KDM4C: variants seen among roughly 807,000 people sequenced by gnomAD.
The protein encoded by KDM4C is lysine-specific demethylase 4C.
Under a neutral mutation model 129.3 loss-of-function variants are expected in KDM4C, and 81 were observed. That is an observed-to-expected ratio of 0.63 (90% CI 0.52 to 0.75). The LOEUF is 0.75. KDM4C is among the 30% of genes least tolerant of loss of function. The probability of loss-of-function intolerance (pLI) is 0.00; values close to 1 mark genes in which losing one functional copy is unlikely to be tolerated. For missense variants in KDM4C, 1,457 were observed against 1,304.0 expected, an observed-to-expected ratio of 1.12 and a Z score of -1.81; for synonymous variants, 573 against 456.1, an observed-to-expected ratio of 1.26 and a Z score of -3.26.
At chr9:6,782,390 C>G (rs1036179051) in intron 1 of KDM4C, among the ~76,000 whole-genome samples, 1 of 152,178 alleles carries the variant, frequency 6.6e-6, no homozygotes, top group African/African-American at 2.4e-5. Flanking sequence ...TTCCCATCTT[C>G]TGCTCCTACT....
At chr9:6,936,843 T>C (rs1407269963) in intron 8 of KDM4C, among the ~76,000 whole-genome samples, 1 of 152,222 alleles carries the variant, frequency 6.6e-6, no homozygotes, top group Non-Finnish European at 1.5e-5. Flanking sequence ...TTTCCTTAGC[T>C]AAGGTAATAA....
At chr9:6,791,273 G>A (rs752235043) in intron 1 of KDM4C, among the ~76,000 whole-genome samples, 6 of 152,094 alleles carry the variant, frequency 3.9e-5, no homozygotes, top group Admixed American at 2.0e-4. Context: ...CACCACGCCC[G>A]GCTAATTTTT....
chr9:7,135,784 A>G (rs116049610), intron 19 of KDM4C, among the ~76,000 whole-genome samples: 1,751 of 152,288 alleles, frequency 0.011, 41 homozygotes, highest in African/African-American at 0.04. Context: ...GCAATTTTGG[A>G]TCTTCGTCGG....
chr9:7,058,478 A>G (rs1831180782), intron 17 of KDM4C, among the ~76,000 whole-genome samples: 1 of 151,940 alleles, frequency 6.6e-6, no homozygotes, highest in Admixed American at 6.6e-5. Context: ...ATGTGAACCA[A>G]CTCTCAAAAT....
chr9:7,070,575 A>G (rs1413385315), intron 17 of KDM4C, among the ~76,000 whole-genome samples: 1 of 152,170 alleles, frequency 6.6e-6, no homozygotes, highest in Non-Finnish European at 1.5e-5. Flanking sequence ...AAATCAATCA[A>G]TGTAATTAGC....
Position 6,984,311 on chromosome 9 carries a change from A to C in KDM4C, c.1261A>C (p.Lys421Gln). Reference sequence around the variant, plus strand: ...CAGTGAAAAGTCAGAAGCAGCAGTGAAGCTGAGGAACACAGAAGCATCTTC... The same window carrying C: ...CAGTGAAAAGTCAGAAGCAGCAGTGCAGCTGAGGAACACAGAAGCATCTTC... ...KVSEKSEAAV[K>Q]LRNTEASSEE... The change falls in exon 10 of 22, where the codon AAG (lysine) becomes CAG (glutamine). Residue 421 changes from lysine (K) to glutamine (Q), a missense_variant. By Grantham distance (53) the Lys-to-Gln change is moderately conservative (BLOSUM62 1). Coordinates refer to ENST00000381309, the MANE Select transcript of KDM4C (RefSeq NM_015061.6). 2.5e-6 allele frequency: 4 copies of C among 1,614,114 alleles called. No homozygotes were observed. The highest frequency in any genetic ancestry group is 3.4e-6 in the Non-Finnish European group (4 of 1,179,948).
At position 6,819,442 on chromosome 9, in the gene KDM4C, C is replaced by T. The variant is rs569479338; in HGVS notation, c.435+4697C>T. Among the ~76,000 whole-genome samples, 6 of 152,306 alleles carry T rather than the reference C, an allele frequency of 3.9e-5. No individual in the cohort carries two copies. In the South Asian group the frequency reaches 1.2e-3, roughly 32 times the overall value. ...AGTTTTAAAACATCCTCATCGTTTA[C>T]AGGTTTTAGAGCTGGGAATGTATCA... On this transcript the variant is annotated intron_variant, in intron 4 of 21. Transcript: ENST00000381309.
intron 17 of KDM4C, among the ~76,000 whole-genome samples, chr9:7,092,121 TC>T (rs1347660447): frequency 6.6e-6 from 1 of 152,188 alleles, no homozygotes; most frequent in African/African-American, 2.4e-5. Context: ...GTTTCTTTTT[TC>T]TTCTTCTTCT....
At chr9:6,865,798 T>C (rs1022085218) in intron 5 of KDM4C, among the ~76,000 whole-genome samples, 3 of 152,044 alleles carry the variant, frequency 2.0e-5, no homozygotes, top group Non-Finnish European at 4.4e-5. Context: ...TCGCCCAGGC[T>C]GGAGTGCAGT....
At chr9:6,995,883 G>A (rs986158985) in intron 12 of KDM4C, among the ~76,000 whole-genome samples, 5 of 135,830 alleles carry the variant, frequency 3.7e-5, no homozygotes, top group South Asian at 2.2e-4. Flanking sequence ...GTGTTAGCCA[G>A]GATGGTCTCG....
intron 8 of KDM4C, among the ~76,000 whole-genome samples, chr9:6,913,507 GC>G (rs952812125): frequency 8.5e-5 from 13 of 152,282 alleles, no homozygotes; most frequent in Middle Eastern, 3.4e-3. Context: ...TGTACAGTGC[GC>G]TTCTCCATTG....
chr9:6,743,123 A>T (rs1010987188), intron 1 of KDM4C, among the ~76,000 whole-genome samples: 16 of 152,294 alleles, frequency 1.1e-4, no homozygotes, highest in African/African-American at 3.6e-4. Flanking sequence ...CTGACAAAGG[A>T]TTACTAATAT....
At chr9:6,964,875 G>A (rs201755116) in intron 8 of KDM4C, among the ~76,000 whole-genome samples, 9 of 149,666 alleles carry the variant, frequency 6.0e-5, no homozygotes, top group Non-Finnish European at 1.0e-4. Flanking sequence ...AATCACTTGA[G>A]CCCAGGAGGC....
intron 4 of KDM4C, among the ~76,000 whole-genome samples, chr9:6,829,354 G>C (rs902904534): frequency 7.2e-5 from 11 of 152,294 alleles, no homozygotes; most frequent in Admixed American, 3.9e-4. Context: ...TGCCTAGAGG[G>C]GCAGATTTCT....
intron 8 of KDM4C, among the ~76,000 whole-genome samples, chr9:6,965,613 C>A (rs116162241): frequency 2.0e-5 from 3 of 152,188 alleles, no homozygotes; most frequent in African/African-American, 7.2e-5. Flanking sequence ...TGAGAGCTGG[C>A]ATTCTTGAGA....
intron 15 of KDM4C, among the ~76,000 whole-genome samples, chr9:7,042,541 T>C (rs1828767183): frequency 6.6e-6 from 1 of 152,060 alleles, no homozygotes; most frequent in Non-Finnish European, 1.5e-5. Flanking sequence ...TATGGGTTCT[T>C]TTGCAGGGAT....
At position 7,096,626 on chromosome 9, in the gene KDM4C, G is replaced by A. The variant is rs551095996; in HGVS notation, c.2425-7059G>A. On this transcript the variant is annotated intron_variant, in intron 17 of 21. Transcript: ENST00000381309. ...TAGAGGAGTATGGCAGTTGGTCAAGGTACTCCCCAGACACTTAGCTCGTAT... is the reference window on the plus strand; with the variant it reads ...TAGAGGAGTATGGCAGTTGGTCAAGATACTCCCCAGACACTTAGCTCGTAT... 2.6e-5 allele frequency among the ~76,000 whole-genome samples: 4 copies of A among 152,270 alleles called. No homozygotes were observed. In the South Asian group the frequency reaches 8.3e-4, roughly 32 times the overall value.
intron 15 of KDM4C, among the ~76,000 whole-genome samples, chr9:7,040,389 G>C (rs1284737318): frequency 3.5e-5 from 5 of 143,958 alleles, no homozygotes; most frequent in African/African-American, 1.3e-4. Context: ...GTGTGTGTGT[G>C]TGTGTGTGTG....
At chr9:7,140,066 C>T (rs1244104520) in intron 19 of KDM4C, among the ~76,000 whole-genome samples, 1 of 152,186 alleles carries the variant, frequency 6.6e-6, no homozygotes, top group Non-Finnish European at 1.5e-5. Context: ...CATTCCTTCT[C>T]GTCACTCCTG....
Sources: allele counts gnomAD v4.1 joint callset (sites outside exome capture counted in the v4.1 genomes callset), GRCh38; gene constraint gnomAD v4.1.1; transcripts MANE v1.5; gene names NCBI Gene and HGNC (gene_info 2026-07-23, HGNC 2026-07-21).